The following TAF3 variants were observed in gnomAD, a reference collection of about 807,000 sequenced individuals.
TAF3 encodes transcription initiation factor TFIID subunit 3.
A neutral mutation model predicts 80.6 loss-of-function variants in TAF3; 7 were observed. The observed-to-expected ratio is 0.09, with a 90% CI of 0.05 to 0.16. The LOEUF (loss-of-function observed/expected upper bound fraction) is 0.16, where lower values mean the gene tolerates loss of function less well. Ranked by LOEUF, TAF3 falls within the 10% of genes least tolerant of loss-of-function variation. The probability of loss-of-function intolerance (pLI) is 1.00; values close to 1 mark genes in which losing one functional copy is unlikely to be tolerated. For missense variants in TAF3, 921 were observed against 1,140.2 expected (o/e 0.81, Z 2.77); for synonymous variants, 444 against 446.1 (o/e 1.00, Z 0.06).
intron 1 of TAF3, 98 bp downstream of exon 1, chr10:7,818,973 C>A: frequency 8.4e-7 from 1 of 1,193,214 alleles, no homozygotes; most frequent in Non-Finnish European, 1.1e-6. Context: ...GTGCATCCCG[C>A]ACCCCGCCTC....
rs74832960 is a variant in TAF3 at position 8,004,569 on chromosome 10, A to G, written c.2316-4509A>G. Among the ~76,000 whole-genome samples, 1,309 of 152,148 alleles carry G rather than the reference A, an allele frequency of 8.6e-3. 21 individuals are homozygous for G. The highest frequency in any genetic ancestry group is 0.029 in the African/African-American group (1,200 of 41,510). On this transcript the variant is annotated intron_variant, in intron 4 of 6. Coordinates refer to ENST00000344293, the MANE Select transcript of TAF3 (RefSeq NM_031923.4). ...CCTTAAAGATGTTTTCAAAGACATA[A>G]TTTATTTTTCTTTAGCACATTGAAG... is the stretch of plus-strand genomic sequence containing the variant.
At chr10:7,877,958 C>A (rs769273907) in intron 2 of TAF3, among the ~76,000 whole-genome samples, 25 of 152,318 alleles carry the variant, frequency 1.6e-4, no homozygotes, top group Non-Finnish European at 2.8e-4. Flanking sequence ...TTTCTGTCAC[C>A]TTACCTGTCA....
chr10:7,868,686 C>G (rs978110176), intron 2 of TAF3, among the ~76,000 whole-genome samples: 3 of 152,194 alleles, frequency 2.0e-5, no homozygotes, highest in Non-Finnish European at 4.4e-5. Context: ...ACCCACATAA[C>G]AGGGTAGTAG....
At chr10:7,883,906 G>A (rs779192245) in intron 2 of TAF3, among the ~76,000 whole-genome samples, 2 of 152,162 alleles carry the variant, frequency 1.3e-5, no homozygotes, top group African/African-American at 2.4e-5. Context: ...TTGCTGGCGG[G>A]GAGAGGGGAC....
At chr10:8,008,009 T>C (rs531699646) in intron 4 of TAF3, among the ~76,000 whole-genome samples, 9 of 151,490 alleles carry the variant, frequency 5.9e-5, no homozygotes, top group African/African-American at 1.9e-4. Flanking sequence ...ACCACAGCTC[T>C]AGCGACCTGC....
intron 4 of TAF3, among the ~76,000 whole-genome samples, chr10:8,002,503 A>G (rs891140845): frequency 1.3e-5 from 2 of 152,230 alleles, no homozygotes; most frequent in African/African-American, 2.4e-5. Context: ...AGCTGAGGAC[A>G]TAGAAATTAG....
At chr10:7,995,615 A>G (rs1419762160) in intron 4 of TAF3, among the ~76,000 whole-genome samples, 1 of 152,222 alleles carries the variant, frequency 6.6e-6, no homozygotes, top group Non-Finnish European at 1.5e-5. Context: ...TGGAGATTCT[A>G]TAATGGCTAT....
At chr10:7,922,905 A>G (rs1307057701) in intron 2 of TAF3, among the ~76,000 whole-genome samples, 3 of 152,058 alleles carry the variant, frequency 2.0e-5, no homozygotes, top group Non-Finnish European at 4.4e-5. Context: ...ATCTGTCACA[A>G]ATAATAGGCT....
At chr10:7,969,981 T>C (rs1234931633) in intron 3 of TAF3, among the ~76,000 whole-genome samples, 1 of 152,260 alleles carries the variant, frequency 6.6e-6, no homozygotes, top group East Asian at 1.9e-4. Flanking sequence ...TTAAAAACAG[T>C]AGTTTCATAC....
At chr10:7,968,316 C>T (rs984240634) in intron 3 of TAF3, among the ~76,000 whole-genome samples, 1 of 152,154 alleles carries the variant, frequency 6.6e-6, no homozygotes, top group African/African-American at 2.4e-5. Context: ...TGACCCAGAT[C>T]GGCAAGCAAG....
intron 2 of TAF3, among the ~76,000 whole-genome samples, chr10:7,848,967 C>T (rs1332287537): frequency 6.6e-6 from 1 of 152,066 alleles, no homozygotes; most frequent in Non-Finnish European, 1.5e-5. Context: ...TGAGACTTTC[C>T]TTTTTCAGCT....
rs149754469 is a variant in TAF3 at position 7,964,581 on chromosome 10, C to T, written c.1071C>T (p.Ile357=). ...GTGAAAAAATCAGTAAAGAGACTAT[C>T]CAGGTAAAACAAATACAGACACCCC... is the stretch of plus-strand genomic sequence containing the variant. The part of the protein sequence containing the change: ...TLSEKISKET[I]QVKQIQTPPD... Residue 357 remains isoleucine (I), a synonymous_variant, in exon 3 of 7, where the codon ATC becomes ATT. Coordinates refer to ENST00000344293, the MANE Select transcript of TAF3 (RefSeq NM_031923.4). This position sits in a 1 kb window ranked among gnomAD's most constrained non-coding sequence, Gnocchi z 4.1. 15,111 of 1,614,012 alleles carry T rather than the reference C, an allele frequency of 9.4e-3. 101 individuals carry two copies. Among genetic ancestry groups the T allele is most frequent in the Non-Finnish European group, 0.011 (12,550 of 1,180,012 alleles).
At chr10:7,910,553 G>A (rs1837647962) in intron 2 of TAF3, among the ~76,000 whole-genome samples, 1 of 152,044 alleles carries the variant, frequency 6.6e-6, no homozygotes, top group Non-Finnish European at 1.5e-5. Context: ...GCTAATATTT[G>A]TATTTTTAGT....
At chr10:7,831,969 A>G (rs1836805633) in intron 2 of TAF3, among the ~76,000 whole-genome samples, 1 of 152,096 alleles carries the variant, frequency 6.6e-6, no homozygotes, top group Non-Finnish European at 1.5e-5. Context: ...TGTTTTATAA[A>G]TACAATGTGG....
In TAF3 at chr10:7,983,169, T is replaced by C. The variant is rs555543454; in HGVS notation, c.2315+5846T>C. Among the ~76,000 whole-genome samples the C allele has an allele frequency of 3.3e-5, 5 of 152,270 alleles. No homozygotes were observed. The South Asian group carries it at 8.3e-4, about 25-fold the overall frequency. ...CCACTCAGGCTGTTGTGATTCTTGG[T>C]GCTCACAGTCCCTGGCGAAGCCCCG... On this transcript the variant is annotated intron_variant, in intron 4 of 6. Transcript: ENST00000344293.
At chr10:7,856,943 A>G (rs1263454025) in intron 2 of TAF3, among the ~76,000 whole-genome samples, 4 of 152,158 alleles carry the variant, frequency 2.6e-5, no homozygotes, top group Admixed American at 6.5e-5. Context: ...AACATTTACA[A>G]ATACTAATGA....
chr10:7,875,600 G>C (rs1370854916), intron 2 of TAF3, among the ~76,000 whole-genome samples: 2 of 152,262 alleles, frequency 1.3e-5, no homozygotes, highest in East Asian at 1.9e-4. Context: ...AAGAGAAGTT[G>C]ACTGCCTCTT....
intron 2 of TAF3, among the ~76,000 whole-genome samples, chr10:7,891,616 T>C (rs1837457673): frequency 1.3e-5 from 2 of 152,256 alleles, no homozygotes; most frequent in African/African-American, 2.4e-5. Flanking sequence ...TACCTTCTTA[T>C]GTTTTTGTTA....
chr10:8,010,179 T>C (rs1054872137), intron 5 of TAF3, among the ~76,000 whole-genome samples: 1 of 152,234 alleles, frequency 6.6e-6, no homozygotes, highest in Non-Finnish European at 1.5e-5. Context: ...CGTGCTGAGA[T>C]GACAGGCATG....
Sources: gnomAD v4.1 joint callset for allele counts (sites outside exome capture counted in the v4.1 genomes callset) on GRCh38, gnomAD v4.1.1 for gene constraint, Gnocchi (gnomAD v3.1) non-coding constraint, MANE v1.5 for transcripts, NCBI Gene and HGNC (gene_info 2026-07-23, HGNC 2026-07-21) for gene names.